The following EXT1 variants were observed in gnomAD, a reference collection of about 807,000 sequenced individuals.
The protein encoded by EXT1 is exostosin-1.
EXT1 carries 20 observed loss-of-function variants against 82.5 expected under a neutral mutation model. The ratio of observed to expected loss-of-function variants is 0.24; its 90% confidence interval spans 0.17 to 0.35. EXT1 has a LOEUF of 0.35. Among genes scored for constraint, EXT1 ranks in the 10% least tolerant of loss-of-function variants. EXT1 has a pLI of 1.00. For synonymous variants in EXT1, 348 were observed against 350.8 expected (o/e 0.99, Z 0.09); for missense variants, 757 against 936.5 (o/e 0.81, Z 2.50).
intron 3 of EXT1, among the ~76,000 whole-genome samples, chr8:117,833,508 G>A (rs568161663): frequency 2.0e-5 from 3 of 152,108 alleles, no homozygotes; most frequent in African/African-American, 4.8e-5. Flanking sequence ...CCAGCTACTC[G>A]GGAGGCTGAG....
At chr8:118,084,668 A>C (rs1374914339) in intron 1 of EXT1, among the ~76,000 whole-genome samples, 1 of 152,204 alleles carries the variant, frequency 6.6e-6, no homozygotes. Flanking sequence ...CTGGGAGCAC[A>C]GTCCAGGCTG....
At chr8:118,026,777 T>C (rs761952334) in intron 1 of EXT1, among the ~76,000 whole-genome samples, 1 of 152,212 alleles carries the variant, frequency 6.6e-6, no homozygotes, top group East Asian at 1.9e-4. Flanking sequence ...GCCTGGGCCA[T>C]GTCCAGCTCC....
intron 1 of EXT1, among the ~76,000 whole-genome samples, chr8:117,981,680 G>A (rs193152023): frequency 6.6e-6 from 1 of 152,052 alleles, no homozygotes; most frequent in Admixed American, 6.5e-5. Context: ...GACCAGCCTG[G>A]CCAACATGGC....
chr8:117,909,608 A>G (rs973672092), intron 1 of EXT1, among the ~76,000 whole-genome samples: 2 of 152,196 alleles, frequency 1.3e-5, no homozygotes, highest in Non-Finnish European at 2.9e-5. Flanking sequence ...GGAGGGCCCG[A>G]CATGGATCTG....
At chr8:118,032,697 A>G (rs1232138837) in intron 1 of EXT1, among the ~76,000 whole-genome samples, 6 of 151,836 alleles carry the variant, frequency 4.0e-5, no homozygotes, top group Admixed American at 3.9e-4. Context: ...TTTAGTAGGG[A>G]CGAGGTTTCT....
chr8:117,914,184 C>T (rs953260500), intron 1 of EXT1, among the ~76,000 whole-genome samples: 19 of 151,428 alleles, frequency 1.3e-4, no homozygotes, highest in Non-Finnish European at 2.2e-4. Flanking sequence ...GCTGGAGCCT[C>T]GGCAGAGGAA....
chr8:117,829,396 T>G (rs578203215), intron 4 of EXT1, among the ~76,000 whole-genome samples: 1 of 152,168 alleles, frequency 6.6e-6, no homozygotes, highest in East Asian at 1.9e-4. Context: ...ATGGGTATGA[T>G]CCTGATTCTC....
At chr8:118,002,120 T>C (rs570848312) in intron 1 of EXT1, among the ~76,000 whole-genome samples, 9 of 152,278 alleles carry the variant, frequency 5.9e-5, no homozygotes, top group South Asian at 2.1e-4. Flanking sequence ...ATATATACCA[T>C]TTTTAGCAAC....
chr8:117,816,181 T>A (rs931964695), intron 7 of EXT1, among the ~76,000 whole-genome samples: 2 of 152,200 alleles, frequency 1.3e-5, no homozygotes, highest in Non-Finnish European at 2.9e-5. Flanking sequence ...TTACATATTA[T>A]GACTCTTTCC....
intron 1 of EXT1, among the ~76,000 whole-genome samples, chr8:117,912,774 G>A (rs1264507990): frequency 6.6e-6 from 1 of 152,170 alleles, no homozygotes; most frequent in African/African-American, 2.4e-5. Flanking sequence ...GCAATCTGAA[G>A]AAAAATTTCT....
At chr8:117,978,844 T>C (rs1297241092) in intron 1 of EXT1, among the ~76,000 whole-genome samples, 1 of 152,220 alleles carries the variant, frequency 6.6e-6, no homozygotes, top group Non-Finnish European at 1.5e-5. Flanking sequence ...TGTACCACAC[T>C]GATAATGCCA....
intron 1 of EXT1, among the ~76,000 whole-genome samples, chr8:118,083,992 G>A (rs1016330461): frequency 6.6e-6 from 1 of 152,120 alleles, no homozygotes; most frequent in African/African-American, 2.4e-5. Flanking sequence ...TCATGCCACT[G>A]CACACCAGCC....
intron 1 of EXT1, among the ~76,000 whole-genome samples, chr8:117,934,581 C>T (rs1490611989): frequency 2.6e-5 from 4 of 152,206 alleles, no homozygotes; most frequent in Non-Finnish European, 4.4e-5. Context: ...TCTGGATAAC[C>T]CTCTTTGCTT....
intron 1 of EXT1, among the ~76,000 whole-genome samples, chr8:118,030,464 G>A (rs978595683): frequency 2.5e-4 from 35 of 139,152 alleles, no homozygotes; most frequent in Non-Finnish European, 3.8e-4. Flanking sequence ...AGTTTAGAAA[G>A]AGAAATTAGA....
At chr8:117,967,705 CTAA>C (rs1399806306) in intron 1 of EXT1, among the ~76,000 whole-genome samples, 2 of 152,156 alleles carry the variant, frequency 1.3e-5, no homozygotes, top group Non-Finnish European at 2.9e-5. Context: ...ACGGTTGTTG[CTAA>C]TAATGATTGC....
intron 1 of EXT1, among the ~76,000 whole-genome samples, chr8:118,040,528 A>C (rs906319617): frequency 2.0e-5 from 3 of 152,144 alleles, no homozygotes; most frequent in Admixed American, 6.5e-5. Flanking sequence ...TGCTTCCTTC[A>C]AGAACACCCA....
rs1235234931 is a variant in EXT1, at chr8:117,819,718, C to T, written c.1494G>A (p.Leu498=). The part of the protein sequence containing the change: ...TPLVSQSQPV[L]KLLVAAAKSQ... ...ACTTGGCTGCAGCCACGAGAAGCTTCAACACTGGCTGGGACTGAGAGACCA... is the reference window on the plus strand; with the variant it reads ...ACTTGGCTGCAGCCACGAGAAGCTTTAACACTGGCTGGGACTGAGAGACCA... Residue 498 remains leucine, a synonymous_variant, in exon 6 of 11, where the codon TTG becomes TTA. Coordinates refer to ENST00000378204, the MANE Select transcript of EXT1 (RefSeq NM_000127.3). 1.2e-6 allele frequency: 2 copies of T among 1,613,062 alleles called. No homozygotes were observed. Among genetic ancestry groups the T allele is most frequent in the South Asian group, 1.1e-5 (1 of 91,022 alleles).
chr8:118,027,910 A>G (rs1036705505), intron 1 of EXT1, among the ~76,000 whole-genome samples: 2 of 152,212 alleles, frequency 1.3e-5, no homozygotes, highest in Non-Finnish European at 1.5e-5. Context: ...GTTATCAACA[A>G]TATGCAATTA....
rs147086895 is a variant in EXT1, at chr8:117,810,976, C to T, written c.1722+1896G>A. On this transcript the variant is annotated intron_variant, in intron 8 of 10. Transcript: ENST00000378204. ...GTAGAGCAGCCTCTCCATCCTAGTG[C>T]CATCTCTCAGGGCCTTTGAAAGAAG... is the stretch of plus-strand genomic sequence containing the variant. Among the ~76,000 whole-genome samples the T allele has an allele frequency of 6.7e-3, 1,026 of 152,300 alleles. 17 individuals carry two copies. The highest frequency in any genetic ancestry group is 0.024 in the African/African-American group (979 of 41,560).
Sources: allele counts gnomAD v4.1 joint callset (sites outside exome capture counted in the v4.1 genomes callset), GRCh38; gene constraint gnomAD v4.1.1; transcripts MANE v1.5; gene names NCBI Gene and HGNC (gene_info 2026-07-23, HGNC 2026-07-21).